Variants in TRPV4 observed in about 807,000 individuals in gnomAD.
TRPV4 encodes the protein OSM9-like transient receptor potential channel 4.
In TRPV4, 58 loss-of-function variants were observed where a neutral mutation model predicts 84.1. That is an observed-to-expected ratio of 0.69 (90% CI 0.56 to 0.86). TRPV4 has a LOEUF of 0.86. Ranked by LOEUF, TRPV4 falls within the 40% of genes least tolerant of loss-of-function variation. The pLI, the probability that TRPV4 is intolerant of heterozygous loss-of-function variation, is 0.00. For missense variants in TRPV4, 879 were observed against 1,181.1 expected (o/e 0.74, Z 3.75); for synonymous variants, 489 against 500.9 (o/e 0.98, Z 0.32).
Position 109,794,013 on chromosome 12 carries a change from G to C in TRPV4, c.1501C>G (p.Pro501Ala). ...YQPLEGTPPY[P>A]YRTTVDYLRL... ...AGGTAGTCCACCGTGGTGCGGTAAG[G>C]GTACGGCGGCTGGGGAGCAGCAAGG... The change falls in exon 9 of 16, where the codon CCT (proline) becomes GCT (alanine). Residue 501 changes from proline to alanine, a missense_variant. Pro to Ala is a conservative substitution (Grantham distance 27). This residue lies in a region of TRPV4 where 521 missense variants were observed against 686.6 expected (regional missense o/e 0.76). Transcript: ENST00000261740. 1.2e-6 allele frequency: 2 copies of C among 1,605,830 alleles called. No homozygotes were observed. The highest frequency in any genetic ancestry group is 1.7e-6 in the Non-Finnish European group (2 of 1,177,510).
chr12:109,820,514 CTATTTT>C (rs1224541120), intron 1 of TRPV4, among the ~76,000 whole-genome samples: 21 of 123,150 alleles, frequency 1.7e-4, no homozygotes, highest in African/African-American at 5.8e-4. Flanking sequence ...TTCAGCTGCC[CTATTTT>C]TTTTTTTTTT....
At chr12:109,813,675 T>G (rs1309511296) in intron 2 of TRPV4, among the ~76,000 whole-genome samples, 2 of 151,914 alleles carry the variant, frequency 1.3e-5, no homozygotes, top group Non-Finnish European at 2.9e-5. Flanking sequence ...GATGGATTAA[T>G]AGATAGATGG....
intron 1 of TRPV4, among the ~76,000 whole-genome samples, chr12:109,824,861 G>A (rs1232277626): frequency 1.3e-5 from 2 of 152,194 alleles, no homozygotes; most frequent in Non-Finnish European, 2.9e-5. Flanking sequence ...GTCTGAGAAC[G>A]TTGCCTGATC....
rs1441575123 is a variant in TRPV4, at chr12:109,793,115, C to G, written c.1659-298G>C. 6.6e-6 allele frequency among the ~76,000 whole-genome samples: 1 copy of G among 152,176 alleles called. No individual in the cohort carries two copies. Among genetic ancestry groups the G allele is most frequent in the Non-Finnish European group, 1.5e-5 (1 of 68,022 alleles). On this transcript the variant is annotated intron_variant, in intron 10 of 15. Coordinates refer to ENST00000261740, the MANE Select transcript of TRPV4 (RefSeq NM_021625.5). This position sits in a 1 kb window ranked among gnomAD's most constrained non-coding sequence, Gnocchi z 4.0. ...GATTTTGTGGCTAAGTGAATTTCATCATTCTCCAACTCTAAGGGAAATGTG... is the reference window on the plus strand; with the variant it reads ...GATTTTGTGGCTAAGTGAATTTCATGATTCTCCAACTCTAAGGGAAATGTG...
In TRPV4 at chr12:109,821,371, G is replaced by A. The variant is rs187210948; in HGVS notation, c.-31-6544C>T. 2.3e-3 allele frequency among the ~76,000 whole-genome samples: 354 copies of A among 152,272 alleles called. 1 individual carries two copies. Among genetic ancestry groups the A allele is most frequent in the African/African-American group, 7.3e-3 (303 of 41,540 alleles). ...GGCCTTTGCCTAGGCTGTTCCCTCC[G>A]CCTGGAATGCCCTTCCCTTCGCTGG... is the stretch of plus-strand genomic sequence containing the variant. On this transcript the variant is annotated intron_variant, in intron 1 of 15. Transcript: ENST00000261740.
At position 109,793,907 on chromosome 12, in the gene TRPV4, G is replaced by A. The variant is rs779730296; in HGVS notation, c.1584+23C>T. Reference sequence around the variant, plus strand: ...AGAAGAGGAGGGCAGGCAGGGTGGGGGGCACGGGGGCCAGGCACTTACGTT... The same window carrying A: ...AGAAGAGGAGGGCAGGCAGGGTGGGAGGCACGGGGGCCAGGCACTTACGTT... On this transcript the variant is annotated intron_variant, in intron 9 of 15. Transcript: ENST00000261740. This position sits in a 1 kb window ranked among gnomAD's most constrained non-coding sequence, Gnocchi z 4.0. 49 of 1,572,304 alleles carry A rather than the reference G, an allele frequency of 3.1e-5. No individual in the cohort carries two copies. The highest frequency in any genetic ancestry group is 2.4e-4 in the South Asian group (21 of 87,362).
At chr12:109,824,019 T>C (rs958608457) in intron 1 of TRPV4, among the ~76,000 whole-genome samples, 1 of 151,896 alleles carries the variant, frequency 6.6e-6, no homozygotes, top group African/African-American at 2.4e-5. Context: ...GGCTAGAGTA[T>C]AAGTGGCACA....
chr12:109,827,612 T>C (rs1013443496), intron 1 of TRPV4, among the ~76,000 whole-genome samples: 1 of 151,154 alleles, frequency 6.6e-6, no homozygotes, highest in African/African-American at 2.4e-5. Context: ...CATATACACA[T>C]ACATACACAC....
At chr12:109,785,284 G>A (rs779543255) in intron 14 of TRPV4, among the ~76,000 whole-genome samples, 1 of 151,988 alleles carries the variant, frequency 6.6e-6, no homozygotes, top group Non-Finnish European at 1.5e-5. Flanking sequence ...CAAAGTGTTG[G>A]TATTACAGTC....
intron 1 of TRPV4, among the ~76,000 whole-genome samples, chr12:109,816,663 A>G (rs1891863868): frequency 6.6e-6 from 1 of 152,212 alleles, no homozygotes; most frequent in African/African-American, 2.4e-5. Flanking sequence ...CTGTAGTCCC[A>G]GCTACTTAGG....
intron 2 of TRPV4, among the ~76,000 whole-genome samples, chr12:109,813,388 G>A (rs1361819722): frequency 6.6e-6 from 1 of 151,998 alleles, no homozygotes; most frequent in South Asian, 2.1e-4. Context: ...CTCCAGCCTG[G>A]GCAACAGAGC....
rs1330809866 is a variant in TRPV4, at chr12:109,783,733, T to C, written c.2504A>G (p.Asn835Ser). ...CACCACCACCTCGTCCGGGTTCGAGTTCTTGTTCAGTTCCACCACGCGGGG... is the reference window on the plus strand; with the variant it reads ...CACCACCACCTCGTCCGGGTTCGAGCTCTTGTTCAGTTCCACCACGCGGGG... ...VVPRVVELNK[N>S]SNPDEVVVPL... is the part of the protein sequence containing the mutation. The change falls in exon 16 of 16, where the codon AAC becomes AGC. Residue 835 changes from asparagine to serine, a missense_variant. Asn to Ser is a conservative substitution (Grantham distance 46, BLOSUM62 1). This residue lies in a region of TRPV4 where 242 missense variants were observed against 355.3 expected (regional missense o/e 0.68). Coordinates refer to ENST00000261740, the MANE Select transcript of TRPV4 (RefSeq NM_021625.5). The surrounding 1 kb of genome is among the most constrained non-coding windows in gnomAD (Gnocchi z 4.6). 1.9e-6 allele frequency: 3 copies of C among 1,613,062 alleles called. No individual in the cohort carries two copies. The highest frequency in any genetic ancestry group is 1.3e-5 in the African/African-American group (1 of 74,762).
chr12:109,822,354 C>T (rs1458650991), intron 1 of TRPV4, among the ~76,000 whole-genome samples: 1 of 152,136 alleles, frequency 6.6e-6, no homozygotes, highest in Non-Finnish European at 1.5e-5. Context: ...CCTGTGGTAC[C>T]CTCAAATAAA....
intron 1 of TRPV4, among the ~76,000 whole-genome samples, chr12:109,817,954 C>A (rs1278775863): frequency 2.0e-5 from 3 of 152,018 alleles, no homozygotes; most frequent in Non-Finnish European, 4.4e-5. Flanking sequence ...CCCACAATGT[C>A]AATAGCGTCG....
chr12:109,788,365 C>T, intron 13 of TRPV4, 35 bp downstream of exon 13: 1 of 1,598,760 alleles, frequency 6.3e-7, no homozygotes. Context: ...ACGAGGGTGG[C>T]TGGTAGAGTG....
intron 3 of TRPV4, among the ~76,000 whole-genome samples, chr12:109,805,488 G>T (rs1891063675): frequency 6.6e-6 from 1 of 152,208 alleles, no homozygotes. Context: ...TCTGCCCAGG[G>T]TGGGGTGCTG....
chr12:109,792,515 A>G, intron 11 of TRPV4, 86 bp from the exon 12 acceptor site: 1 of 1,573,426 alleles, frequency 6.4e-7, no homozygotes, highest in Admixed American at 1.7e-5. Flanking sequence ...CCCTGGTCCC[A>G]CCCCAGTGTC....
chr12:109,808,612 G>GTTT, intron 2 of TRPV4, 144 bp from the exon 3 acceptor site: 2 of 722,364 alleles, frequency 2.8e-6, no homozygotes. Context: ...TGGGGCAGAT[G>GTTT]TAAAAACTAA....
intron 6 of TRPV4, among the ~76,000 whole-genome samples, chr12:109,797,788 G>A (rs1176436296): frequency 6.6e-6 from 1 of 152,140 alleles, no homozygotes; most frequent in African/African-American, 2.4e-5. Flanking sequence ...CCAACTAGCT[G>A]GCATTACAGA....
Sources: allele counts gnomAD v4.1 joint callset (sites outside exome capture counted in the v4.1 genomes callset), GRCh38; gene constraint gnomAD v4.1.1; regional missense constraint gnomAD v4.1.1; non-coding constraint Gnocchi (gnomAD v3.1); transcripts MANE v1.5; gene names NCBI Gene and HGNC (gene_info 2026-07-23, HGNC 2026-07-21).